The following PPDPFL variants were observed in gnomAD, a reference collection of about 807,000 sequenced individuals.
PPDPFL encodes the protein pancreatic progenitor cell differentiation and proliferation factor-like protein.
Under a neutral mutation model 12.6 loss-of-function variants are expected in PPDPFL, and 12 were observed. The ratio of observed to expected loss-of-function variants is 0.95; its 90% CI spans 0.61 to 1.54. PPDPFL has a LOEUF of 1.54. Among genes scored for constraint, PPDPFL ranks in the 40% most tolerant of loss-of-function variants. The probability of loss-of-function intolerance (pLI) is 0.00; values close to 1 mark genes in which losing one functional copy is unlikely to be tolerated. For missense variants in PPDPFL, 114 were observed against 96.0 expected (o/e 1.19, Z -0.78); for synonymous variants, 24 against 32.7 (o/e 0.73, Z 0.91).
upstream of PPDPFL, among the ~76,000 whole-genome samples, chr8:49,067,651 A>G (rs7822307): frequency 7.7e-3 from 1,174 of 152,354 alleles, 18 homozygotes; most frequent in African/African-American, 0.026. Context: ...ATGTCAATAA[A>G]TTTAGAAAGG....
At chr8:49,063,263 G>C (rs936878713) in intron 1 of PPDPFL, among the ~76,000 whole-genome samples, 2 of 152,162 alleles carry the variant, frequency 1.3e-5, no homozygotes, top group Non-Finnish European at 1.5e-5. Context: ...AATCATTTTG[G>C]TCACTGCCCT....
At position 49,074,273 on chromosome 8, in the gene PPDPFL, C is replaced by T. The variant is rs1392627135; in HGVS notation, c.173C>T (p.Ser58Leu). ...GCAGAATCCACCTGGTGGTTTAAAT[C>T]GTTTTTCCATTCTGAACCTGTGCTT... ...EVAESTWWFK[S>L]FFHSEPVLSN... is the part of the protein sequence containing the mutation. Residue 58 changes from serine (S) to leucine (L), a missense_variant, in exon 4 of 5, where the codon TCG becomes TTG. Coordinates refer to ENST00000522267, the MANE Select transcript of PPDPFL (RefSeq NM_001256597.2). 5 of 1,613,858 alleles carry T rather than the reference C, an allele frequency of 3.1e-6. No individual in the cohort carries two copies. Among genetic ancestry groups the T allele is most frequent in the East Asian group, 4.5e-5 (2 of 44,900 alleles).
intron 1 of PPDPFL, among the ~76,000 whole-genome samples, chr8:49,066,243 G>A (rs1168351172): frequency 6.6e-6 from 1 of 152,198 alleles, no homozygotes. Flanking sequence ...AAAGACAGCA[G>A]CTTTTGCTAC....
At chr8:49,074,580 A>G (rs1317068274) in intron 4 of PPDPFL, 3 of 1,536,164 alleles carry the variant, frequency 2.0e-6, no homozygotes, top group Admixed American at 3.9e-5. Context: ...GTCATATGCC[A>G]AACTGTGTCA....
chr8:49,066,350 G>A (rs1451020876), intron 1 of PPDPFL, among the ~76,000 whole-genome samples: 1 of 152,144 alleles, frequency 6.6e-6, no homozygotes, highest in Admixed American at 6.5e-5. Context: ...CTGTGTTGGT[G>A]GCTTCATCAT....
chr8:49,056,141 C>T (rs1238562248), intron 1 of PPDPFL, among the ~76,000 whole-genome samples: 1 of 152,170 alleles, frequency 6.6e-6, no homozygotes, highest in Non-Finnish European at 1.5e-5. Flanking sequence ...ATCCCTACTG[C>T]CTCTACAAGT....
chr8:49,067,321 T>C (rs1226788670), intron 1 of PPDPFL, among the ~76,000 whole-genome samples: 2 of 152,222 alleles, frequency 1.3e-5, no homozygotes, highest in East Asian at 3.8e-4. Context: ...CACATATTCA[T>C]TTGCAGCATT....
chr8:49,074,394 G>A, intron 4 of PPDPFL, 61 bp downstream of exon 4: 2 of 1,578,372 alleles, frequency 1.3e-6, no homozygotes, highest in East Asian at 2.2e-5. Context: ...TAATGCATAT[G>A]GTATGTGTTA....
rs1248220304 is a variant in PPDPFL at position 49,075,152 on chromosome 8, A to G, written c.234A>G (p.Gly78=). 2 of 1,613,456 alleles carry G rather than the reference A, an allele frequency of 1.2e-6. No individual in the cohort carries two copies. The highest frequency in any genetic ancestry group is 1.7e-6 in the Non-Finnish European group (2 of 1,179,556). ...NVRIKDLSAT[G]LQMSTL Reference sequence around the variant, plus strand: ...TCTGACTACTATAAAATCAACCCAGATTACAGATGAGCACTTTGTAGCTGA... The same window carrying G: ...TCTGACTACTATAAAATCAACCCAGGTTACAGATGAGCACTTTGTAGCTGA... Residue 78 remains glycine, a splice_region_variant and synonymous_variant, in exon 5 of 5, where the codon GGA becomes GGG. Coordinates refer to ENST00000522267, the MANE Select transcript of PPDPFL (RefSeq NM_001256597.2).
At chr8:49,066,015 G>T (rs1484330437) in intron 1 of PPDPFL, among the ~76,000 whole-genome samples, 3 of 152,222 alleles carry the variant, frequency 2.0e-5, no homozygotes, top group Non-Finnish European at 4.4e-5. Context: ...TTCCAAGATG[G>T]TTTCAGTTAG....
rs192320336 is a variant in PPDPFL, at chr8:49,066,512, C to T, written c.-44-6275C>T. Among the ~76,000 whole-genome samples the T allele has an allele frequency of 1.6e-4, 24 of 152,242 alleles. No individual in the cohort carries two copies. The East Asian group carries it at 2.1e-3, about 13-fold the overall frequency. On this transcript the variant is annotated intron_variant, in intron 1 of 4. Transcript: ENST00000517663. ...GCAATAGCTCTCAGGACAGAGTTTACAATATCACGTAATATGGGTTGAAAA... is the reference window on the plus strand; with the variant it reads ...GCAATAGCTCTCAGGACAGAGTTTATAATATCACGTAATATGGGTTGAAAA...
chr8:49,054,741 T>C (rs954471790), intron 1 of PPDPFL, among the ~76,000 whole-genome samples: 4 of 152,240 alleles, frequency 2.6e-5, no homozygotes, highest in Admixed American at 2.6e-4. Flanking sequence ...GATATATCCA[T>C]CTGTTCTTAA....
At chr8:49,059,945 CA>C (rs1808170668) in intron 1 of PPDPFL, among the ~76,000 whole-genome samples, 1 of 152,096 alleles carries the variant, frequency 6.6e-6, no homozygotes, top group Admixed American at 6.5e-5. Context: ...GAGTGAAGTT[CA>C]AAAACCATTC....
chr8:49,060,109 G>A (rs2129243740), intron 1 of PPDPFL, among the ~76,000 whole-genome samples: 1 of 152,304 alleles, frequency 6.6e-6, no homozygotes, highest in South Asian at 2.1e-4. Context: ...GAAGAGTACA[G>A]TAAAATAAAT....
intron 1 of PPDPFL, among the ~76,000 whole-genome samples, chr8:49,065,869 C>T (rs555051726): frequency 2.6e-5 from 4 of 152,270 alleles, no homozygotes; most frequent in East Asian, 1.9e-4. Context: ...TATTGACGTC[C>T]GAGTTGATTT....
intron 1 of PPDPFL, among the ~76,000 whole-genome samples, chr8:49,056,326 A>G (rs1462453607): frequency 6.6e-6 from 1 of 152,116 alleles, no homozygotes; most frequent in Non-Finnish European, 1.5e-5. Flanking sequence ...TTATGTTTGA[A>G]TTTGGTCCTT....
chr8:49,068,347 G>A (rs192048969), upstream of PPDPFL, among the ~76,000 whole-genome samples: 2 of 152,302 alleles, frequency 1.3e-5, no homozygotes, highest in African/African-American at 4.8e-5. Context: ...GCCAGGAGAG[G>A]TGGGATGGCC....
At chr8:49,074,535 C>A in intron 4 of PPDPFL, 1 of 1,536,992 alleles carries the variant, frequency 6.5e-7, no homozygotes, top group Non-Finnish European at 8.7e-7. Context: ...ATCATAGCAC[C>A]CTTTCCAGTT....
At chr8:49,075,127 T>C (rs771966690) in intron 4 of PPDPFL, 25 bp from the exon 5 acceptor site, 1 of 1,611,990 alleles carries the variant, frequency 6.2e-7, no homozygotes, top group Admixed American at 1.7e-5. Context: ...TCCCCTCCTC[T>C]CTGACTACTA....
Sources: allele counts gnomAD v4.1 joint callset (sites outside exome capture counted in the v4.1 genomes callset), GRCh38; gene constraint gnomAD v4.1.1; transcripts MANE v1.5; gene names NCBI Gene and HGNC (gene_info 2026-07-23, HGNC 2026-07-21).